SLC9A1: variants seen among roughly 807,000 people sequenced by gnomAD.
SLC9A1 encodes the protein solute carrier family 9 member A1.
A neutral mutation model predicts 67.9 loss-of-function variants in SLC9A1; 22 were observed. That is an observed-to-expected ratio of 0.32 (90% CI 0.23 to 0.46). The LOEUF is 0.46. SLC9A1 is among the 20% of genes least tolerant of loss of function. The probability of loss-of-function intolerance (pLI) is 1.00; values close to 1 mark genes in which losing one functional copy is unlikely to be tolerated. For synonymous variants in SLC9A1, 421 were observed against 471.8 expected (o/e 0.89, Z 1.40); for missense variants, 686 against 1,094.8 (o/e 0.63, Z 5.27).
intron 1 of SLC9A1, among the ~76,000 whole-genome samples, chr1:27,138,262 G>A (rs2083432142): frequency 6.6e-6 from 1 of 152,162 alleles, no homozygotes; most frequent in Non-Finnish European, 1.5e-5. Flanking sequence ...CCCCCCTCAG[G>A]GGCCCTGGTC....
At chr1:27,153,918 G>T in intron 1 of SLC9A1, 65 bp downstream of exon 1, 3 of 1,079,348 alleles carry the variant, frequency 2.8e-6, no homozygotes, top group Non-Finnish European at 4.1e-6. Flanking sequence ...CTCAAATGGT[G>T]CGAGATGAGG....
intron 3 of SLC9A1, among the ~76,000 whole-genome samples, chr1:27,108,967 G>A (rs1415247555): frequency 1.3e-5 from 2 of 152,114 alleles, no homozygotes; most frequent in African/African-American, 2.4e-5. Flanking sequence ...GCTCACACCC[G>A]GGCTCTGCTC....
chr1:27,111,519 G>C (rs907313551), intron 2 of SLC9A1, among the ~76,000 whole-genome samples: 2 of 152,190 alleles, frequency 1.3e-5, no homozygotes, highest in African/African-American at 4.8e-5. Context: ...ACATAGGCCA[G>C]ACACAGTGGC....
chr1:27,106,792 C>T lies in SLC9A1; in HGVS notation c.1283-705G>A, dbSNP rs772458308. Among the ~76,000 whole-genome samples, 22 of 151,972 alleles carry T rather than the reference C, an allele frequency of 1.4e-4. No homozygotes were observed. Among genetic ancestry groups the T allele is most frequent in the Non-Finnish European group, 2.2e-4 (15 of 67,954 alleles). ...CTCTGCATGCGATTCGGCACATGCT[C>T]ACGTCACCTGTCTTGAGACAGTGCA... On this transcript the variant is annotated intron_variant, in intron 4 of 11. Transcript: ENST00000263980. This position sits in a 1 kb window ranked among gnomAD's most constrained non-coding sequence, Gnocchi z 4.3.
chr1:27,131,472 G>A (rs2124185760), intron 1 of SLC9A1, among the ~76,000 whole-genome samples: 1 of 148,278 alleles, frequency 6.7e-6, no homozygotes, highest in South Asian at 2.1e-4. Flanking sequence ...AAAAGAGGCA[G>A]GGCACGGTGG....
rs1462984409 is a variant in SLC9A1 at position 27,154,378 on chromosome 1, T to A, written c.-44A>T. Reference sequence around the variant, plus strand: ...AGCCTCGACCTTACCCAAATGAGAGTAAAACCGGGCACATAGGTAGCAAAG... The same window carrying A: ...AGCCTCGACCTTACCCAAATGAGAGAAAAACCGGGCACATAGGTAGCAAAG... On this transcript the variant is annotated 5_prime_UTR_variant, in exon 1 of 12. Transcript: ENST00000263980. 1 of 1,340,782 alleles carries A rather than the reference T, an allele frequency of 7.5e-7. No individual in the cohort carries two copies. Among genetic ancestry groups the A allele is most frequent in the Non-Finnish European group, 1.0e-6 (1 of 976,698 alleles). 83.1% of individuals were successfully genotyped at this position (1,340,782 alleles called of 1,614,324 possible). A position where few individuals can be genotyped will look rare whatever the true frequency, so the allele number is the denominator to read the frequency against.
At chr1:27,131,947 A>AAAAAAAAAAATATATATATATATATATAT in intron 1 of SLC9A1, among the ~76,000 whole-genome samples, 2 of 52,126 alleles carry the variant, frequency 3.8e-5, no homozygotes, top group African/African-American at 1.3e-4. Context: ...AGAAAAAAAA[A>AAAAAAAAAAATATATATATATATATATAT]ATATATATAT....
At chr1:27,135,143 G>A (rs2083411407) in intron 1 of SLC9A1, among the ~76,000 whole-genome samples, 1 of 151,170 alleles carries the variant, frequency 6.6e-6, no homozygotes, top group Admixed American at 6.6e-5. Flanking sequence ...TCGACCTCTT[G>A]AGCTCAAGCA....
rs1025950905 is a variant in SLC9A1 at position 27,137,318 on chromosome 1, G to A, written c.352+16665C>T. On this transcript the variant is annotated intron_variant, in intron 1 of 11. Transcript: ENST00000263980. This position sits in a 1 kb window ranked among gnomAD's most constrained non-coding sequence, Gnocchi z 4.6. ...CACAGGAGAGCCTGGACTAGAGGTC[G>A]GGGAGCTGAGCTCAATGCAGCTCTG... Among the ~76,000 whole-genome samples the A allele has an allele frequency of 1.9e-4, 29 of 152,228 alleles. No homozygotes were observed. Among genetic ancestry groups the A allele is most frequent in the African/African-American group, 6.0e-4 (25 of 41,454 alleles).
Position 27,109,443 on chromosome 1 carries a change from G to A in SLC9A1, c.1064+84C>T, listed in dbSNP as rs997545856. On this transcript the variant is annotated intron_variant, in intron 3 of 11. Coordinates refer to ENST00000263980, the MANE Select transcript of SLC9A1 (RefSeq NM_003047.5). This position sits in a 1 kb window ranked among gnomAD's most constrained non-coding sequence, Gnocchi z 5.5. ...CTCAAGGCTGGGCCCTGGGAGCTCCGTGAACCTACGAGCCTGGGGAATCCA... is the reference window on the plus strand; with the variant it reads ...CTCAAGGCTGGGCCCTGGGAGCTCCATGAACCTACGAGCCTGGGGAATCCA... 1.8e-5 allele frequency: 26 copies of A among 1,464,682 alleles called. No individual in the cohort carries two copies. The highest frequency in any genetic ancestry group is 3.4e-5 in the Admixed American group (2 of 58,762). The allele number at this position is 1,464,682 out of a possible 1,614,324, so 90.7% of individuals were successfully genotyped here.
chr1:27,141,477 C>T (rs558766687), intron 1 of SLC9A1, among the ~76,000 whole-genome samples: 1 of 152,288 alleles, frequency 6.6e-6, no homozygotes, highest in African/African-American at 2.4e-5. Flanking sequence ...TACTTCAAGG[C>T]CTAGCTCAGT....
At position 27,154,029 on chromosome 1, in the gene SLC9A1, G is replaced by A; in HGVS notation, c.306C>T (p.Pro102=). The change falls in exon 1 of 12, where the codon CCC becomes CCT. Residue 102 remains proline (P), a synonymous_variant. Coordinates refer to ENST00000263980, the MANE Select transcript of SLC9A1 (RefSeq NM_003047.5). ...LGIDYTHVRT[P]FEISLWILLA... ...GAAGGATCCAGAGGGAGATCTCGAA[G>A]GGGGTGCGCACGTGTGTGTAGTCGA... The A allele has an allele frequency of 6.3e-7, 1 of 1,597,250 alleles. No individual in the cohort carries two copies. Among genetic ancestry groups the A allele is most frequent in the Non-Finnish European group, 8.6e-7 (1 of 1,168,556 alleles).
intron 5 of SLC9A1, chr1:27,105,341 C>T (rs145992739): frequency 0.021 from 4,333 of 209,392 alleles, 79 homozygotes; most frequent in Middle Eastern, 0.053. Flanking sequence ...CTCTTGTTAC[C>T]CAGGCTGGAG....
intron 1 of SLC9A1, among the ~76,000 whole-genome samples, chr1:27,133,834 G>A (rs186857161): frequency 2.0e-3 from 297 of 150,592 alleles, no homozygotes; most frequent in African/African-American, 6.8e-3. Context: ...GCGCGATCTC[G>A]GCTCACTGCA....
At chr1:27,102,782 G>A in intron 6 of SLC9A1, 39 bp from the exon 7 acceptor site, 1 of 1,584,664 alleles carries the variant, frequency 6.3e-7, no homozygotes, top group South Asian at 1.1e-5. Flanking sequence ...CTCGCTGTGG[G>A]GCGCCTTCCC....
intron 1 of SLC9A1, among the ~76,000 whole-genome samples, chr1:27,145,035 C>T (rs933159627): frequency 1.0e-4 from 14 of 135,666 alleles, no homozygotes; most frequent in Non-Finnish European, 1.4e-4. Flanking sequence ...CCAACCCAGG[C>T]GAAGAGCAAG....
intron 1 of SLC9A1, among the ~76,000 whole-genome samples, chr1:27,149,045 G>A (rs1424483140): frequency 6.6e-6 from 1 of 152,232 alleles, no homozygotes; most frequent in African/African-American, 2.4e-5. Flanking sequence ...GGATTCAGGT[G>A]CATCCAAGAA....
At chr1:27,144,962 T>C (rs908867817) in intron 1 of SLC9A1, among the ~76,000 whole-genome samples, 7 of 151,630 alleles carry the variant, frequency 4.6e-5, no homozygotes, top group African/African-American at 1.7e-4. Context: ...TGAGGCAGAA[T>C]TGCTTGAACC....
At chr1:27,111,331 A>G (rs1372145982) in intron 2 of SLC9A1, among the ~76,000 whole-genome samples, 1 of 152,168 alleles carries the variant, frequency 6.6e-6, no homozygotes, top group Non-Finnish European at 1.5e-5. Flanking sequence ...AACTATAGAG[A>G]AACAGAGTAA....
Sources: allele counts gnomAD v4.1 joint callset (sites outside exome capture counted in the v4.1 genomes callset), GRCh38; gene constraint gnomAD v4.1.1; non-coding constraint Gnocchi (gnomAD v3.1); transcripts MANE v1.5; gene names NCBI Gene and HGNC (gene_info 2026-07-23, HGNC 2026-07-21).